IMMP2L: variants seen among roughly 807,000 people sequenced by gnomAD.
IMMP2L encodes the protein inner mitochondrial membrane peptidase subunit 2, also known as mitochondrial inner membrane protease subunit 2.
A neutral mutation model predicts 19.3 loss-of-function variants in IMMP2L; 18 were observed. The observed-to-expected ratio is 0.93, with a 90% CI of 0.64 to 1.38. The LOEUF (loss-of-function observed/expected upper bound fraction) is 1.38, where lower values mean the gene tolerates loss of function less well. Ranked by LOEUF, IMMP2L falls within the 40% of genes most tolerant of loss-of-function variation. The pLI, the probability that IMMP2L is intolerant of heterozygous loss-of-function variation, is 0.00. For synonymous variants in IMMP2L, 76 were observed against 73.0 expected, an observed-to-expected ratio of 1.04 and a Z score of -0.21; for missense variants, 233 against 218.2, an observed-to-expected ratio of 1.07 and a Z score of -0.43.
chr7:111,302,111 G>A (rs1822318981), intron 3 of IMMP2L, among the ~76,000 whole-genome samples: 2 of 151,804 alleles, frequency 1.3e-5, no homozygotes, highest in Non-Finnish European at 2.9e-5. Context: ...TGTTCTCTGA[G>A]TACATCTTAG....
At chr7:110,937,154 A>G (rs1352099382) in intron 4 of IMMP2L, among the ~76,000 whole-genome samples, 1 of 152,204 alleles carries the variant, frequency 6.6e-6, no homozygotes, top group Non-Finnish European at 1.5e-5. Context: ...ACATCTATGT[A>G]ACAAACCTGC....
At chr7:111,057,262 G>C (rs1300997432) in intron 3 of IMMP2L, among the ~76,000 whole-genome samples, 1 of 152,114 alleles carries the variant, frequency 6.6e-6, no homozygotes, top group East Asian at 1.9e-4. Flanking sequence ...CCATAAGGTA[G>C]GCACCAGCCA....
At chr7:110,704,002 C>T (rs10228943) in intron 5 of IMMP2L, among the ~76,000 whole-genome samples, 4 of 151,892 alleles carry the variant, frequency 2.6e-5, no homozygotes, top group Non-Finnish European at 4.4e-5. Flanking sequence ...CCTGCCACCA[C>T]ACCCGGCTAA....
intron 3 of IMMP2L, among the ~76,000 whole-genome samples, chr7:111,036,877 T>A (rs1791407799): frequency 6.6e-6 from 1 of 152,214 alleles, no homozygotes; most frequent in African/African-American, 2.4e-5. Flanking sequence ...TTATTCATGA[T>A]ATCATAAGAA....
intron 3 of IMMP2L, among the ~76,000 whole-genome samples, chr7:111,296,168 C>G (rs1034938768): frequency 6.6e-6 from 1 of 151,616 alleles, no homozygotes; most frequent in Admixed American, 6.6e-5. Context: ...ATGTGAAGAA[C>G]TCATAACTTT....
At chr7:111,042,182 GT>G (rs771799957) in intron 3 of IMMP2L, among the ~76,000 whole-genome samples, 1 of 151,834 alleles carries the variant, frequency 6.6e-6, no homozygotes, top group East Asian at 1.9e-4. Flanking sequence ...ACCATTTAAA[GT>G]TTTTTCTTTT....
At chr7:111,454,706 G>A (rs1194764524) in intron 3 of IMMP2L, among the ~76,000 whole-genome samples, 2 of 151,930 alleles carry the variant, frequency 1.3e-5, no homozygotes, top group African/African-American at 4.8e-5. Context: ...ATAAGTGTTT[G>A]TAGATCCCTT....
At chr7:111,280,650 C>T (rs1027125607) in intron 3 of IMMP2L, among the ~76,000 whole-genome samples, 3 of 152,042 alleles carry the variant, frequency 2.0e-5, no homozygotes, top group Admixed American at 6.6e-5. Context: ...TAGGAAGTAA[C>T]GTACAGGATG....
intron 5 of IMMP2L, among the ~76,000 whole-genome samples, chr7:110,869,898 G>A (rs1019414781): frequency 1.3e-5 from 2 of 151,946 alleles, no homozygotes; most frequent in African/African-American, 2.4e-5. Context: ...AGGCCATCCC[G>A]TACTAAATTG....
intron 5 of IMMP2L, among the ~76,000 whole-genome samples, chr7:110,762,256 C>A (rs1798394288): frequency 6.7e-6 from 1 of 150,358 alleles, no homozygotes; most frequent in African/African-American, 2.4e-5. Context: ...TTTTTTTTTC[C>A]CCATCGGCAA....
At chr7:111,192,964 G>C (rs146500387) in intron 3 of IMMP2L, among the ~76,000 whole-genome samples, 41 of 152,158 alleles carry the variant, frequency 2.7e-4, no homozygotes, top group Non-Finnish European at 5.3e-4. Flanking sequence ...TTTGAGTTGG[G>C]CAATTGGGAA....
intron 3 of IMMP2L, among the ~76,000 whole-genome samples, chr7:111,093,636 T>A (rs1214140189): frequency 1.3e-5 from 2 of 152,146 alleles, no homozygotes; most frequent in African/African-American, 4.8e-5. Context: ...CACATACATA[T>A]TTTGTGGATT....
At position 110,817,808 on chromosome 7, in the gene IMMP2L, G is replaced by A. The variant is rs141723076; in HGVS notation, c.408+68785C>T. 6.2e-3 allele frequency among the ~76,000 whole-genome samples: 943 copies of A among 152,006 alleles called. 16 individuals are homozygous for A. Among genetic ancestry groups the A allele is most frequent in the African/African-American group, 0.022 (893 of 41,488 alleles). The stretch of plus-strand genomic sequence containing the variant: ...GAACAGAGACCTCAGAAATAACGCC[G>A]CATATCTACAACCATCTGATCTTTG... On this transcript the variant is annotated intron_variant, in intron 5 of 5. Coordinates refer to ENST00000405709, the MANE Select transcript of IMMP2L (RefSeq NM_032549.4).
intron 3 of IMMP2L, among the ~76,000 whole-genome samples, chr7:111,187,546 C>T (rs766949264): frequency 6.6e-6 from 1 of 151,952 alleles, no homozygotes; most frequent in Non-Finnish European, 1.5e-5. Context: ...TAGTATGGAG[C>T]CTGTTGGAAA....
chr7:111,117,609 C>T (rs1800041697), intron 3 of IMMP2L, among the ~76,000 whole-genome samples: 1 of 151,966 alleles, frequency 6.6e-6, no homozygotes, highest in Non-Finnish European at 1.5e-5. Flanking sequence ...ATAGAACAGT[C>T]TTTTACAAGG....
chr7:111,015,704 T>C (rs1379233127), intron 3 of IMMP2L, among the ~76,000 whole-genome samples: 2 of 152,066 alleles, frequency 1.3e-5, no homozygotes, highest in Non-Finnish European at 2.9e-5. Context: ...TGAATGCTAA[T>C]AGGTAGAGGG....
chr7:111,150,522 G>A (rs759390849), intron 3 of IMMP2L, among the ~76,000 whole-genome samples: 5 of 152,160 alleles, frequency 3.3e-5, no homozygotes, highest in East Asian at 3.9e-4. Flanking sequence ...ACAGACATTT[G>A]CTATAATTGG....
chr7:111,288,721 C>G (rs12705760), intron 3 of IMMP2L, among the ~76,000 whole-genome samples: 55,222 of 151,888 alleles, frequency 0.36, 10,501 homozygotes, highest in South Asian at 0.61. Context: ...CAATGAGATA[C>G]CATCTCACTC....
chr7:110,712,284 G>C lies in IMMP2L; in HGVS notation c.409-48563C>G, dbSNP rs1478077900. Among the ~76,000 whole-genome samples, 27 of 78,178 alleles carry C rather than the reference G, an allele frequency of 3.5e-4. 2 individuals carry two copies. In the Admixed American group the frequency reaches 3.5e-3, roughly 10 times the overall value. The allele number at this position is 78,178 out of a possible 152,430, so 51.3% of individuals were successfully genotyped here. A position where few individuals can be genotyped will look rare whatever the true frequency, so the allele number is the denominator to read the frequency against. Reference sequence around the variant, plus strand: ...ATACCCTGCTGTGTGAGGTGTCAGTGTGCCCCTGCTGGGGGGTGCCTCCCA... The same window carrying C: ...ATACCCTGCTGTGTGAGGTGTCAGTCTGCCCCTGCTGGGGGGTGCCTCCCA... On this transcript the variant is annotated intron_variant, in intron 5 of 5. Coordinates refer to ENST00000405709, the MANE Select transcript of IMMP2L (RefSeq NM_032549.4).
Sources: gnomAD v4.1 joint callset for allele counts (sites outside exome capture counted in the v4.1 genomes callset) on GRCh38, gnomAD v4.1.1 for gene constraint, MANE v1.5 for transcripts, NCBI Gene and HGNC (gene_info 2026-07-23, HGNC 2026-07-21) for gene names.